The following NRCAM variants were observed in gnomAD, a reference collection of about 807,000 sequenced individuals.
The protein encoded by NRCAM is NgCAM-related cell adhesion molecule.
A neutral mutation model predicts 156.5 loss-of-function variants in NRCAM; 83 were observed. The observed-to-expected ratio is 0.53, with a 90% CI of 0.44 to 0.64. The LOEUF (loss-of-function observed/expected upper bound fraction) is 0.64. NRCAM is among the 30% of genes least tolerant of loss of function. NRCAM has a pLI of 0.00. For missense variants in NRCAM, 1,417 were observed against 1,597.3 expected, an observed-to-expected ratio of 0.89 and a Z score of 1.92; for synonymous variants, 538 against 563.9, an observed-to-expected ratio of 0.95 and a Z score of 0.65.
In NRCAM at chr7:108,199,495, G is replaced by A. The variant is rs189523491; in HGVS notation, c.1208-1396C>T. Among the ~76,000 whole-genome samples, 597 of 152,350 alleles carry A rather than the reference G, an allele frequency of 3.9e-3. 3 individuals are homozygous for A. The highest frequency in any genetic ancestry group is 0.013 in the African/African-American group (547 of 41,588). On this transcript the variant is annotated intron_variant, in intron 13 of 32. Coordinates refer to ENST00000379028, the MANE Select transcript of NRCAM (RefSeq NM_001037132.4). ...CTGCTCTAAAACCAATGCGTGAGCA[G>A]AGCTGCGTCGCTTTCTGAAGGTTCT... is the stretch of plus-strand genomic sequence containing the variant.
chr7:108,204,241 C>T (rs572107846), intron 13 of NRCAM, among the ~76,000 whole-genome samples: 2 of 152,110 alleles, frequency 1.3e-5, no homozygotes, highest in Non-Finnish European at 2.9e-5. Context: ...TCTGCACCCC[C>T]CTCATTCTCT....
intron 3 of NRCAM, among the ~76,000 whole-genome samples, chr7:108,278,539 C>G (rs2097732413): frequency 6.6e-6 from 1 of 152,214 alleles, no homozygotes; most frequent in Non-Finnish European, 1.5e-5. Context: ...GTGAGCAATG[C>G]TCCGTGGGCG....
In NRCAM at chr7:108,456,288, G is replaced by C. The variant is rs930563517; in HGVS notation, c.-377C>G. Reference sequence around the variant, plus strand: ...GCTCAGCTCTGGCGCGACTGCCCAGGACCCTGGACCGCCGGTGTCCTCCGT... The same window carrying C: ...GCTCAGCTCTGGCGCGACTGCCCAGCACCCTGGACCGCCGGTGTCCTCCGT... On this transcript the variant is annotated 5_prime_UTR_variant, in exon 1 of 33. Transcript: ENST00000379028. 6.6e-6 allele frequency: 1 copy of C among 152,162 alleles called. No homozygotes were observed. Among genetic ancestry groups the C allele is most frequent in the African/African-American group, 2.4e-5 (1 of 41,400 alleles). The allele number at this position is 152,162 out of a possible 1,614,324, so 9.4% of individuals were successfully genotyped here. A position where few individuals can be genotyped will look rare whatever the true frequency, so the allele number is the denominator to read the frequency against.
chr7:108,274,020 T>C (rs1273451064), intron 3 of NRCAM, among the ~76,000 whole-genome samples: 1 of 152,228 alleles, frequency 6.6e-6, no homozygotes, highest in African/African-American at 2.4e-5. Context: ...ATTGCTTGTT[T>C]TTCTCAGGTT....
intron 19 of NRCAM, 141 bp downstream of exon 19, chr7:108,191,113 G>T: frequency 1.7e-6 from 1 of 581,760 alleles, no homozygotes; most frequent in Non-Finnish European, 2.9e-6. Flanking sequence ...TCAGTAAATG[G>T]GTGACACAAC....
At chr7:108,155,864 A>G (rs1244518340) in intron 32 of NRCAM, among the ~76,000 whole-genome samples, 2 of 152,102 alleles carry the variant, frequency 1.3e-5, no homozygotes, top group Non-Finnish European at 2.9e-5. Context: ...TCATTGGAAT[A>G]TATCCTTTCC....
At chr7:108,266,499 C>T (rs1161631326) in intron 3 of NRCAM, among the ~76,000 whole-genome samples, 4 of 152,190 alleles carry the variant, frequency 2.6e-5, no homozygotes, top group Middle Eastern at 3.2e-3. Context: ...AGGTTTACTA[C>T]ACTGCACACG....
At chr7:108,452,869 C>T (rs1446572501) in intron 1 of NRCAM, among the ~76,000 whole-genome samples, 1 of 152,192 alleles carries the variant, frequency 6.6e-6, no homozygotes, top group Non-Finnish European at 1.5e-5. Context: ...GAAAAAGCCT[C>T]AGTGCCTCAG....
At chr7:108,191,625 G>A in intron 18 of NRCAM, 104 bp downstream of exon 18, 4 of 1,330,474 alleles carry the variant, frequency 3.0e-6, no homozygotes, top group Non-Finnish European at 4.0e-6. Context: ...ACTCACCCAT[G>A]CATATTAACA....
intron 2 of NRCAM, among the ~76,000 whole-genome samples, chr7:108,353,358 T>G (rs2154297659): frequency 6.6e-6 from 1 of 151,868 alleles, no homozygotes; most frequent in East Asian, 1.9e-4. Flanking sequence ...TTAATTATTT[T>G]TATTTTTATT....
intron 1 of NRCAM, among the ~76,000 whole-genome samples, chr7:108,445,908 T>C (rs1481544425): frequency 6.6e-6 from 1 of 152,224 alleles, no homozygotes; most frequent in Non-Finnish European, 1.5e-5. Context: ...AGCTACAGCA[T>C]GAGAGCTTCT....
intron 13 of NRCAM, among the ~76,000 whole-genome samples, chr7:108,199,389 T>C (rs556757630): frequency 9.2e-5 from 14 of 152,360 alleles, no homozygotes; most frequent in African/African-American, 3.4e-4. Context: ...CTGTAACAAC[T>C]TACCACAAAT....
chr7:108,418,597 A>ACACACACG (rs1554626861), intron 1 of NRCAM, among the ~76,000 whole-genome samples: 4 of 149,236 alleles, frequency 2.7e-5, no homozygotes, highest in East Asian at 2.0e-4. Context: ...ACACACACAC[A>ACACACACG]CACGCACTGA....
At chr7:108,385,428 G>A (rs1055717496) in intron 2 of NRCAM, among the ~76,000 whole-genome samples, 8 of 152,162 alleles carry the variant, frequency 5.3e-5, no homozygotes, top group African/African-American at 1.9e-4. Context: ...AATAATCAAG[G>A]AAGGCTTTGT....
intron 23 of NRCAM, 102 bp from the exon 24 acceptor site, chr7:108,182,039 AC>A: frequency 1.3e-6 from 1 of 766,434 alleles, no homozygotes; most frequent in Non-Finnish European, 2.2e-6. Context: ...CATACTGCAG[AC>A]CTATTCTATG....
chr7:108,197,945 T>C lies in NRCAM; in HGVS notation c.1351+11A>G, dbSNP rs375377155. ...TTAATTTGCCATGTCTTTAATAAAA[T>C]GAGAGCTTACCCAGCACATTTACAA... On this transcript the variant is annotated intron_variant, in intron 14 of 32. Coordinates refer to ENST00000379028, the MANE Select transcript of NRCAM (RefSeq NM_001037132.4). 3.1e-5 allele frequency: 48 copies of C among 1,545,968 alleles called. No homozygotes were observed. Among genetic ancestry groups the C allele is most frequent in the Middle Eastern group, 3.4e-4 (2 of 5,830 alleles).
intron 2 of NRCAM, among the ~76,000 whole-genome samples, chr7:108,370,392 T>C (rs2099620831): frequency 6.6e-6 from 1 of 152,130 alleles, no homozygotes; most frequent in Non-Finnish European, 1.5e-5. Flanking sequence ...TCAGGCAACA[T>C]AGAATGTTTT....
intron 1 of NRCAM, among the ~76,000 whole-genome samples, chr7:108,404,043 A>G (rs2099800604): frequency 6.6e-6 from 1 of 152,162 alleles, no homozygotes; most frequent in Non-Finnish European, 1.5e-5. Flanking sequence ...GCCACTTCTC[A>G]GGTGGTCAGT....
rs762456836 is a variant in NRCAM, at chr7:108,184,447, C to A, written c.2203G>T (p.Ala735Ser). 1.9e-6 allele frequency: 3 copies of A among 1,614,168 alleles called. No individual in the cohort carries two copies. The South Asian group carries it at 3.3e-5, about 18-fold the overall frequency. The change falls in exon 21 of 33, where the codon GCG becomes TCG. Residue 735 changes from alanine (A) to serine (S), a missense_variant. By Grantham distance (99) the Ala-to-Ser change is moderately conservative. This residue lies in a region of NRCAM where 1,238 missense variants were observed against 1,336.4 expected (regional missense o/e 0.93). Transcript: ENST00000379028. Reference sequence around the variant, plus strand: ...GCTTTCGTCAAATACTGCTCAGACGCCTCGCTGGGCAAGCTCTTCCCAATG... The same window carrying A: ...GCTTTCGTCAAATACTGCTCAGACGACTCGCTGGGCAAGCTCTTCCCAATG... ...NSIGKSLPSE[A>S]SEQYLTKASE...
Sources: allele counts gnomAD v4.1 joint callset (sites outside exome capture counted in the v4.1 genomes callset), GRCh38; gene constraint gnomAD v4.1.1; regional missense constraint gnomAD v4.1.1; transcripts MANE v1.5; gene names NCBI Gene and HGNC (gene_info 2026-07-23, HGNC 2026-07-21).